Variants in STARD3 observed in about 807,000 individuals in gnomAD.
The protein encoded by STARD3 is stAR-related lipid transfer protein 3.
STARD3 carries 39 observed loss-of-function variants against 62.0 expected under a neutral mutation model. The observed-to-expected ratio is 0.63, with a 90% CI of 0.49 to 0.82. The LOEUF is 0.82. Ranked by LOEUF, STARD3 falls within the 40% of genes least tolerant of loss-of-function variation. STARD3 has a pLI of 0.00. For synonymous variants in STARD3, 229 were observed against 242.4 expected, an observed-to-expected ratio of 0.94 and a Z score of 0.51; for missense variants, 543 against 584.5, an observed-to-expected ratio of 0.93 and a Z score of 0.73.
At chr17:39,655,832 A>C (rs2057122547) in intron 2 of STARD3, among the ~76,000 whole-genome samples, 2 of 151,910 alleles carry the variant, frequency 1.3e-5, no homozygotes, top group Non-Finnish European at 2.9e-5. Context: ...GAGAGTGGCA[A>C]AGCAGGGGCT....
At position 39,660,310 on chromosome 17, in the gene STARD3, A is replaced by G. The variant is rs748597432; in HGVS notation, c.858+37A>G. The G allele has an allele frequency of 6.2e-6, 10 of 1,613,408 alleles. No homozygotes were observed. The highest frequency in any genetic ancestry group is 7.6e-6 in the Non-Finnish European group (9 of 1,179,602). On this transcript the variant is annotated intron_variant, in intron 10 of 14. Transcript: ENST00000336308. The surrounding 1 kb of genome is among the most constrained non-coding windows in gnomAD (Gnocchi z 4.8). ...GAGCGGGTGTCCTGGAGCCCCAGACAGCACAGGAGGCTCCAGGAAGGTGCC... is the reference window on the plus strand; with the variant it reads ...GAGCGGGTGTCCTGGAGCCCCAGACGGCACAGGAGGCTCCAGGAAGGTGCC...
At chr17:39,648,508 T>C (rs1336032176) in intron 1 of STARD3, among the ~76,000 whole-genome samples, 1 of 152,024 alleles carries the variant, frequency 6.6e-6, no homozygotes, top group African/African-American at 2.4e-5. Flanking sequence ...AACCACTGAC[T>C]TTCCCCCAGA....
intron 3 of STARD3, 46 bp from the exon 4 acceptor site, chr17:39,657,729 G>C: frequency 2.5e-6 from 4 of 1,606,946 alleles, no homozygotes; most frequent in Non-Finnish European, 1.7e-6. Flanking sequence ...CAGCAGGGTG[G>C]GGGGCAGTAG....
rs1400824129 is a variant in STARD3, at chr17:39,664,127, T to G, written c.*1219T>G. 6.6e-6 allele frequency: 1 copy of G among 152,312 alleles called. No individual in the cohort carries two copies. Among genetic ancestry groups the G allele is most frequent in the African/African-American group, 2.4e-5 (1 of 41,466 alleles). The allele number at this position is 152,312 out of a possible 1,614,324, so 9.4% of individuals were successfully genotyped here. A position where few individuals can be genotyped will look rare whatever the true frequency, so the allele number is the denominator to read the frequency against. On this transcript the variant is annotated 3_prime_UTR_variant, in exon 15 of 15. Coordinates refer to ENST00000336308, the MANE Select transcript of STARD3 (RefSeq NM_006804.4). ...CCTGGGCGAATCTACCTCTCTCAGC[T>G]TCTGCTTCCCACTTTATGAAAATGG...
chr17:39,637,499 T>G (rs1374443988), intron 1 of STARD3: 1 of 151,896 alleles, frequency 6.6e-6, no homozygotes, highest in Non-Finnish European at 1.5e-5. Context: ...CCGTCTTAAC[T>G]GAGGGGAGAG....
At chr17:39,656,483 CCACTT>C (rs2057131254) in intron 2 of STARD3, among the ~76,000 whole-genome samples, 1 of 152,156 alleles carries the variant, frequency 6.6e-6, no homozygotes, top group African/African-American at 2.4e-5. Context: ...CACTCCGTCT[CCACTT>C]CACCCTCTCA....
At chr17:39,658,895 TTC>T in intron 7 of STARD3, 75 bp downstream of exon 7, 1 of 1,572,416 alleles carries the variant, frequency 6.4e-7, no homozygotes, top group South Asian at 1.1e-5. Context: ...GGTCTGTTCT[TTC>T]TATTCCTTCT....
Position 39,658,528 on chromosome 17 carries a change from T to C in STARD3, c.547+6T>C. 6.2e-7 allele frequency: 1 copy of C among 1,612,796 alleles called. No homozygotes were observed. The highest frequency in any genetic ancestry group is 1.1e-5 in the South Asian group (1 of 90,970). ...GGAAGCTGAAGAGGAGCGATGTGAGTGCTTGCGGGTAGGGGGGTGCAGCGA... is the reference window on the plus strand; with the variant it reads ...GGAAGCTGAAGAGGAGCGATGTGAGCGCTTGCGGGTAGGGGGGTGCAGCGA... On this transcript the variant is annotated splice_donor_region_variant and intron_variant, in intron 6 of 14. Coordinates refer to ENST00000336308, the MANE Select transcript of STARD3 (RefSeq NM_006804.4).
rs775683024 is a variant in STARD3, at chr17:39,662,229, C to T, written c.1140-22C>T. The T allele has an allele frequency of 5.0e-6, 8 of 1,609,800 alleles. No individual in the cohort carries two copies. In the South Asian group the frequency reaches 7.7e-5, roughly 16 times the overall value. ...GGCCTCACTCTGTTCCAAAGTCCCC[C>T]CAATGATGCCTCTTTCCATAGGGGA... On this transcript the variant is annotated intron_variant, in intron 13 of 14. Transcript: ENST00000336308.
chr17:39,660,767 C>T lies in STARD3; in HGVS notation c.955-43C>T. 3 of 1,541,564 alleles carry T rather than the reference C, an allele frequency of 1.9e-6. No homozygotes were observed. Among genetic ancestry groups the T allele is most frequent in the Non-Finnish European group, 2.6e-6 (3 of 1,145,040 alleles). On this transcript the variant is annotated intron_variant, in intron 11 of 14. Coordinates refer to ENST00000336308, the MANE Select transcript of STARD3 (RefSeq NM_006804.4). This position sits in a 1 kb window ranked among gnomAD's most constrained non-coding sequence, Gnocchi z 4.8. ...GGGGTGTTCCCATCCCTGGGGTTTT[C>T]CTGGGGCGACCTGTTCCAAAAGTCT... is the stretch of plus-strand genomic sequence containing the variant.
At chr17:39,650,681 G>A (rs2057069738) in intron 1 of STARD3, among the ~76,000 whole-genome samples, 1 of 152,158 alleles carries the variant, frequency 6.6e-6, no homozygotes, top group Non-Finnish European at 1.5e-5. Context: ...TGGTGTGGTG[G>A]CGGGCGCCTG....
At chr17:39,649,807 A>G (rs945785755) in intron 1 of STARD3, among the ~76,000 whole-genome samples, 3 of 147,750 alleles carry the variant, frequency 2.0e-5, no homozygotes, top group African/African-American at 7.6e-5. Flanking sequence ...TGGAGGTTGC[A>G]GTGAGCTGGG....
In STARD3 at chr17:39,660,407, C is replaced by T; in HGVS notation, c.859-24C>T. 1.2e-6 allele frequency: 2 copies of T among 1,613,218 alleles called. No homozygotes were observed. Among genetic ancestry groups the T allele is most frequent in the South Asian group, 2.2e-5 (2 of 91,062 alleles). ...CTGCCCGAGCCCATCTGGCACCACCCAGCCCTCTGCCGCCCTGTCCCAGAC... is the reference window on the plus strand; with the variant it reads ...CTGCCCGAGCCCATCTGGCACCACCTAGCCCTCTGCCGCCCTGTCCCAGAC... On this transcript the variant is annotated intron_variant, in intron 10 of 14. Coordinates refer to ENST00000336308, the MANE Select transcript of STARD3 (RefSeq NM_006804.4). The surrounding 1 kb of genome is among the most constrained non-coding windows in gnomAD (Gnocchi z 4.8).
intron 1 of STARD3, among the ~76,000 whole-genome samples, chr17:39,638,479 G>C (rs1423373579): frequency 6.6e-6 from 1 of 152,144 alleles, no homozygotes; most frequent in Non-Finnish European, 1.5e-5. Flanking sequence ...CTTGCTGTTC[G>C]TATCTTCATG....
At chr17:39,656,761 G>A (rs1441889632) in intron 2 of STARD3, 2 of 504,870 alleles carry the variant, frequency 4.0e-6, no homozygotes, top group Non-Finnish European at 7.1e-6. Context: ...TCCTGGGCAG[G>A]GTGCTGGAAG....
intron 2 of STARD3, among the ~76,000 whole-genome samples, chr17:39,656,632 C>T (rs1375968913): frequency 1.3e-5 from 2 of 152,118 alleles, no homozygotes; most frequent in South Asian, 2.1e-4. Flanking sequence ...GATGGAGCAC[C>T]GCAGTGCTGG....
intron 1 of STARD3, chr17:39,653,106 C>T (rs1013337881): frequency 4.0e-5 from 8 of 200,600 alleles, no homozygotes; most frequent in Non-Finnish European, 3.1e-5. Context: ...GGGGTGGTGG[C>T]AGGCCCAGAG....
chr17:39,657,614 CA>C lies in STARD3; in HGVS notation c.298-160del, dbSNP rs535212190. Reference sequence around the variant, plus strand: ...AAGATAAGACCCCTGTGCAAGGTTACATCCAAATTGTCCCAGAGACATGCTG... The same window carrying C: ...AAGATAAGACCCCTGTGCAAGGTTACTCCAAATTGTCCCAGAGACATGCTG... On this transcript the variant is annotated intron_variant, in intron 3 of 14. Coordinates refer to ENST00000336308, the MANE Select transcript of STARD3 (RefSeq NM_006804.4). Among the ~76,000 whole-genome samples the C allele has an allele frequency of 1.4e-3, 209 of 152,190 alleles. 1 individual carries two copies. Among genetic ancestry groups the C allele is most frequent in the African/African-American group, 4.4e-3 (183 of 41,512 alleles).
chr17:39,647,388 CA>C (rs1281610715), intron 1 of STARD3, among the ~76,000 whole-genome samples: 1 of 152,120 alleles, frequency 6.6e-6, no homozygotes, highest in African/African-American at 2.4e-5. Context: ...CCAGTCACAG[CA>C]ACCAGTGGGC....
Sources: allele counts gnomAD v4.1 joint callset (sites outside exome capture counted in the v4.1 genomes callset), GRCh38; gene constraint gnomAD v4.1.1; non-coding constraint Gnocchi (gnomAD v3.1); transcripts MANE v1.5; gene names NCBI Gene and HGNC (gene_info 2026-07-23, HGNC 2026-07-21).